Variants in DDAH1 observed in about 807,000 individuals in gnomAD.
DDAH1 encodes N(G),N(G)-dimethylarginine dimethylaminohydrolase 1.
DDAH1 carries 19 observed loss-of-function variants against 28.8 expected under a neutral mutation model. The ratio of observed to expected loss-of-function variants is 0.66; its 90% CI spans 0.46 to 0.97. DDAH1 has a LOEUF of 0.97. Ranked by LOEUF, DDAH1 falls within the 50% of genes least tolerant of loss-of-function variation. The pLI, the probability that DDAH1 is intolerant of heterozygous loss-of-function variation, is 0.00. For synonymous variants in DDAH1, 153 were observed against 154.4 expected (o/e 0.99, Z 0.07); for missense variants, 326 against 375.9 (o/e 0.87, Z 1.10).
chr1:85,427,228 T>C (rs1027770436), intron 1 of DDAH1, among the ~76,000 whole-genome samples: 1 of 150,522 alleles, frequency 6.6e-6, no homozygotes, highest in East Asian at 2.0e-4. Flanking sequence ...GAACTCATCA[T>C]GCTTGTGGCT....
At chr1:85,485,607 G>A (rs1436267112) in intron 2 of DDAH1, among the ~76,000 whole-genome samples, 1 of 152,174 alleles carries the variant, frequency 6.6e-6, no homozygotes, top group Non-Finnish European at 1.5e-5. Context: ...AAGATCAGAT[G>A]TGCTATTTAT....
intron 1 of DDAH1, among the ~76,000 whole-genome samples, chr1:85,529,507 T>G (rs1202718723): frequency 1.3e-5 from 2 of 150,410 alleles, no homozygotes; most frequent in Non-Finnish European, 3.0e-5. Flanking sequence ...ACTGGCCCCT[T>G]CCTCAGTGGC....
chr1:85,355,744 T>C (rs1649456604), intron 2 of DDAH1, among the ~76,000 whole-genome samples: 1 of 152,016 alleles, frequency 6.6e-6, no homozygotes. Flanking sequence ...CTGGAAAACA[T>C]CCAAAAACAC....
intron 3 of DDAH1, among the ~76,000 whole-genome samples, chr1:85,350,819 A>T (rs575132133): frequency 6.6e-6 from 1 of 152,308 alleles, no homozygotes; most frequent in Admixed American, 6.5e-5. Context: ...CTGTGTAAAC[A>T]GTGGCTCAGC....
At chr1:85,533,531 A>ATT (rs2100776329) in intron 1 of DDAH1, among the ~76,000 whole-genome samples, 1 of 152,256 alleles carries the variant, frequency 6.6e-6, no homozygotes, top group Admixed American at 6.5e-5. Flanking sequence ...GTACAGATGG[A>ATT]TTTTCAAGGA....
chr1:85,426,928 A>AAC (rs1553133533), intron 1 of DDAH1, among the ~76,000 whole-genome samples: 7 of 147,174 alleles, frequency 4.8e-5, no homozygotes, highest in East Asian at 2.0e-4. Flanking sequence ...AAACAAAAAA[A>AAC]AAAAAAAAAA....
At chr1:85,556,847 T>G (rs1658984847) in intron 1 of DDAH1, among the ~76,000 whole-genome samples, 1 of 152,234 alleles carries the variant, frequency 6.6e-6, no homozygotes, top group African/African-American at 2.4e-5. Flanking sequence ...CTGGGCATAG[T>G]GGCTCACGCC....
chr1:85,410,637 CA>C (rs10630765), intron 1 of DDAH1, among the ~76,000 whole-genome samples: 49,282 of 142,080 alleles, frequency 0.35, 8,396 homozygotes, highest in South Asian at 0.44. Context: ...AGCTCTGCCT[CA>C]AAAAAAAAAA....
chr1:85,552,237 C>T (rs935141201), intron 1 of DDAH1, among the ~76,000 whole-genome samples: 4 of 152,126 alleles, frequency 2.6e-5, no homozygotes, highest in Admixed American at 6.5e-5. Context: ...ATACACTAGC[C>T]CTCTACATAC....
chr1:85,453,468 T>C (rs1428583868), intron 1 of DDAH1, among the ~76,000 whole-genome samples: 1 of 152,210 alleles, frequency 6.6e-6, no homozygotes, highest in Non-Finnish European at 1.5e-5. Context: ...CTATCATTAA[T>C]GTCTCTCATC....
At chr1:85,412,343 G>T (rs1045706618) in intron 1 of DDAH1, among the ~76,000 whole-genome samples, 2 of 152,136 alleles carry the variant, frequency 1.3e-5, no homozygotes, top group Non-Finnish European at 2.9e-5. Flanking sequence ...ATCTTTCAGG[G>T]TCTTCTAACA....
chr1:85,410,614 G>C (rs1000517345), intron 1 of DDAH1, among the ~76,000 whole-genome samples: 3 of 134,872 alleles, frequency 2.2e-5, no homozygotes, highest in African/African-American at 8.7e-5. Context: ...ACTCCAGCCT[G>C]CAATAAGAGC....
At chr1:85,350,837 TCA>T (rs1649158799) in intron 3 of DDAH1, among the ~76,000 whole-genome samples, 1 of 152,168 alleles carries the variant, frequency 6.6e-6, no homozygotes, top group Non-Finnish European at 1.5e-5. Flanking sequence ...AGCTGGAGAC[TCA>T]CATCCTCATG....
intron 3 of DDAH1, 36 bp from the exon 4 acceptor site, chr1:85,350,570 T>G (rs1304298754): frequency 3.1e-6 from 5 of 1,603,806 alleles, no homozygotes. Flanking sequence ...AGTTTAGTAT[T>G]GCAGAATAAT....
upstream of DDAH1, among the ~76,000 whole-genome samples, chr1:85,466,469 G>A (rs911201862): frequency 9.2e-5 from 14 of 152,142 alleles, no homozygotes; most frequent in Non-Finnish European, 1.9e-4. Flanking sequence ...GGCTGGTCTC[G>A]AACTCCTGAC....
intron 1 of DDAH1, among the ~76,000 whole-genome samples, chr1:85,376,584 G>A (rs777267428): frequency 1.3e-5 from 2 of 151,766 alleles, no homozygotes; most frequent in African/African-American, 2.4e-5. Context: ...CTTTTCACAG[G>A]GTAACTTGTT....
chr1:85,568,811 C>T (rs1659376320), intron 1 of DDAH1, among the ~76,000 whole-genome samples: 3 of 152,170 alleles, frequency 2.0e-5, no homozygotes, highest in Admixed American at 1.3e-4. Flanking sequence ...CTGGAAGTCT[C>T]AAGAGCAGCA....
intron 1 of DDAH1, among the ~76,000 whole-genome samples, chr1:85,452,938 A>G (rs957151811): frequency 2.0e-5 from 3 of 152,192 alleles, no homozygotes; most frequent in Non-Finnish European, 4.4e-5. Context: ...ACCACCAAGC[A>G]TTCACAAGCA....
rs141540525 is a variant in DDAH1 at position 85,324,800 on chromosome 1, G to A, written c.681C>T (p.Ile227=). The A allele has an allele frequency of 6.8e-6, 11 of 1,613,966 alleles. No individual in the cohort carries two copies. The highest frequency in any genetic ancestry group is 9.3e-6 in the Non-Finnish European group (11 of 1,180,020). The change falls in exon 5 of 6, where the codon ATC becomes ATT. Residue 227 remains isoleucine (I), a synonymous_variant. Coordinates refer to ENST00000284031, the MANE Select transcript of DDAH1 (RefSeq NM_012137.4). ...DIAANCIYLN[I]PNKGHVLLHR... ...GCAGCAAGACGTGCCCTTTGTTGGGGATATTTAGATATATACAGTTTGCTG... is the reference window on the plus strand; with the variant it reads ...GCAGCAAGACGTGCCCTTTGTTGGGAATATTTAGATATATACAGTTTGCTG...
Sources: gnomAD v4.1 joint callset for allele counts (sites outside exome capture counted in the v4.1 genomes callset) on GRCh38, gnomAD v4.1.1 for gene constraint, MANE v1.5 for transcripts, NCBI Gene and HGNC (gene_info 2026-07-23, HGNC 2026-07-21) for gene names.